SNX25: variants seen among roughly 807,000 people sequenced by gnomAD.
The protein encoded by SNX25 is sorting nexin-25.
A neutral mutation model predicts 113.7 loss-of-function variants in SNX25; 62 were observed. That is an observed-to-expected ratio of 0.55 (90% CI 0.44 to 0.67). SNX25 has a LOEUF of 0.67. SNX25 is among the 30% of genes least tolerant of loss of function. SNX25 has a pLI of 0.00. For missense variants in SNX25, 1,014 were observed against 1,161.0 expected, an observed-to-expected ratio of 0.87 and a Z score of 1.84; for synonymous variants, 421 against 436.2, an observed-to-expected ratio of 0.97 and a Z score of 0.43.
intron 16 of SNX25, among the ~76,000 whole-genome samples, chr4:185,358,134 G>A (rs2095347001): frequency 6.6e-6 from 1 of 152,284 alleles, no homozygotes; most frequent in South Asian, 2.1e-4. Flanking sequence ...CATGGCAGGC[G>A]TTTACTTAGA....
intron 9 of SNX25, among the ~76,000 whole-genome samples, chr4:185,328,355 G>A (rs1044342161): frequency 6.6e-6 from 1 of 152,116 alleles, no homozygotes; most frequent in African/African-American, 2.4e-5. Flanking sequence ...TTCCCAAAAC[G>A]GGATTTGTGG....
chr4:185,307,343 G>A (rs760696265), intron 6 of SNX25, among the ~76,000 whole-genome samples: 1 of 152,194 alleles, frequency 6.6e-6, no homozygotes. Flanking sequence ...ATATCTAAGC[G>A]AGGTATGTGC....
intron 5 of SNX25, among the ~76,000 whole-genome samples, chr4:185,269,468 C>T (rs897416519): frequency 1.3e-5 from 2 of 152,158 alleles, no homozygotes; most frequent in African/African-American, 4.8e-5. Flanking sequence ...TAATTTGTGG[C>T]TTCATTGAAT....
At chr4:185,251,209 G>C (rs544817550) in intron 2 of SNX25, among the ~76,000 whole-genome samples, 1 of 152,110 alleles carries the variant, frequency 6.6e-6, no homozygotes, top group South Asian at 2.1e-4. Context: ...TGGCCAGGCT[G>C]GTCTCTAACT....
At chr4:185,240,360 T>C (rs1408316541) in intron 1 of SNX25, among the ~76,000 whole-genome samples, 8 of 148,904 alleles carry the variant, frequency 5.4e-5, no homozygotes, top group African/African-American at 1.3e-4. Context: ...GAGGCGCCTC[T>C]CACCTCCCGG....
At chr4:185,227,600 A>C (rs1468615542) in intron 1 of SNX25, among the ~76,000 whole-genome samples, 1 of 152,110 alleles carries the variant, frequency 6.6e-6, no homozygotes, top group Non-Finnish European at 1.5e-5. Context: ...GCATGCATTT[A>C]TTGTGGGCAG....
chr4:185,224,520 T>C (rs1231780366), intron 1 of SNX25, among the ~76,000 whole-genome samples: 1 of 130,250 alleles, frequency 7.7e-6, no homozygotes, highest in Non-Finnish European at 1.6e-5. Flanking sequence ...GATATATAAA[T>C]ATATATACAT....
intron 5 of SNX25, among the ~76,000 whole-genome samples, chr4:185,273,086 C>T (rs886630748): frequency 1.1e-4 from 16 of 152,128 alleles, no homozygotes; most frequent in African/African-American, 3.6e-4. Context: ...AAAGCTGCAC[C>T]TGGTTGAGAG....
At chr4:185,254,550 G>C (rs1320760447) in intron 2 of SNX25, among the ~76,000 whole-genome samples, 1 of 152,104 alleles carries the variant, frequency 6.6e-6, no homozygotes, top group Non-Finnish European at 1.5e-5. Flanking sequence ...TGTTTACTTA[G>C]CTCATTCCTT....
chr4:185,300,191 G>A (rs1369524793), intron 6 of SNX25, among the ~76,000 whole-genome samples: 2 of 150,834 alleles, frequency 1.3e-5, no homozygotes, highest in Non-Finnish European at 2.9e-5. Context: ...GTGGAGCCTC[G>A]CTCTGTCGCC....
At chr4:185,256,624 C>CT (rs35160292) in intron 2 of SNX25, among the ~76,000 whole-genome samples, 34,602 of 112,586 alleles carry the variant, frequency 0.31, 7,309 homozygotes, top group East Asian at 0.53. Context: ...ACCTAAATTT[C>CT]TTTTTTTTTT....
chr4:185,339,646 TC>T, intron 11 of SNX25, 136 bp downstream of exon 11: 3 of 1,152,588 alleles, frequency 2.6e-6, no homozygotes, highest in South Asian at 1.7e-5. Context: ...CTACCTTCCT[TC>T]CCCCACAATT....
intron 6 of SNX25, among the ~76,000 whole-genome samples, chr4:185,306,727 A>T (rs2126655618): frequency 6.6e-6 from 1 of 152,322 alleles, no homozygotes; most frequent in Non-Finnish European, 1.5e-5. Context: ...ATGAAGTTTA[A>T]GGATATATAT....
chr4:185,328,277 C>T (rs2095170281), intron 9 of SNX25, among the ~76,000 whole-genome samples: 1 of 151,994 alleles, frequency 6.6e-6, no homozygotes, highest in Non-Finnish European at 1.5e-5. Context: ...AGCTGGAAGA[C>T]AAAGACAGAT....
chr4:185,353,722 A>G, intron 15 of SNX25, 120 bp downstream of exon 15: 1 of 864,604 alleles, frequency 1.2e-6, no homozygotes, highest in South Asian at 1.5e-5. Flanking sequence ...ATTTATATTC[A>G]TGCATCCATT....
intron 7 of SNX25, among the ~76,000 whole-genome samples, chr4:185,319,100 A>AAT (rs538426859): frequency 0.42 from 48,931 of 116,330 alleles, 8,772 homozygotes; most frequent in East Asian, 0.51. Flanking sequence ...TATTTTTTTT[A>AAT]TTTTTTTTTT....
At chr4:185,353,387 G>A (rs11724024) in intron 14 of SNX25, 98 bp from the exon 15 acceptor site, 105,569 of 836,596 alleles carry the variant, frequency 0.13, 7,295 homozygotes, top group Admixed American at 0.22. Context: ...GCTAAAATAC[G>A]AGCAGATAGT....
At chr4:185,303,939 A>AT (rs1014990446) in intron 6 of SNX25, among the ~76,000 whole-genome samples, 2 of 152,106 alleles carry the variant, frequency 1.3e-5, no homozygotes, top group East Asian at 1.9e-4. Flanking sequence ...TAAGGCAAAT[A>AT]TTTTTTTGAG....
intron 1 of SNX25, among the ~76,000 whole-genome samples, chr4:185,238,063 A>C (rs188260461): frequency 0.22 from 8,412 of 38,636 alleles, 320 homozygotes; most frequent in African/African-American, 0.31. Context: ...ACTCCATCTC[A>C]AAAAAAAAAA....
Sources: gnomAD v4.1 joint callset for allele counts (sites outside exome capture counted in the v4.1 genomes callset) on GRCh38, gnomAD v4.1.1 for gene constraint, MANE v1.5 for transcripts, NCBI Gene and HGNC (gene_info 2026-07-23, HGNC 2026-07-21) for gene names.